Variants in PLXNA4 observed in about 807,000 individuals in gnomAD.
PLXNA4 encodes the protein plexin A4.
A neutral mutation model predicts 191.8 loss-of-function variants in PLXNA4; 44 were observed. The observed-to-expected ratio is 0.23, with a 90% CI of 0.18 to 0.29. The LOEUF (loss-of-function observed/expected upper bound fraction) is 0.29. Ranked by LOEUF, PLXNA4 falls within the 10% of genes least tolerant of loss-of-function variation. PLXNA4 has a pLI of 1.00. For missense variants in PLXNA4, 1,800 were observed against 2,488.8 expected (o/e 0.72, Z 5.89); for synonymous variants, 1,082 against 1,009.5 (o/e 1.07, Z -1.36).
At chr7:132,355,455 T>TGA (rs1803659774) in intron 3 of PLXNA4, among the ~76,000 whole-genome samples, 1 of 152,156 alleles carries the variant, frequency 6.6e-6, no homozygotes, top group Non-Finnish European at 1.5e-5. Flanking sequence ...CTGAAAGGGG[T>TGA]GAGCCCCACT....
intron 3 of PLXNA4, among the ~76,000 whole-genome samples, chr7:132,319,557 T>C: frequency 6.6e-6 from 1 of 152,334 alleles, no homozygotes; most frequent in East Asian, 1.9e-4. Context: ...TTGTAATTTA[T>C]AATTCTCTCC....
intron 2 of PLXNA4, among the ~76,000 whole-genome samples, chr7:132,505,585 T>C (rs1473066881): frequency 6.6e-6 from 1 of 152,192 alleles, no homozygotes. Context: ...TGTATGGGTG[T>C]CCTGCAGGCA....
chr7:132,391,145 G>A (rs563359273), intron 3 of PLXNA4, among the ~76,000 whole-genome samples: 2 of 152,322 alleles, frequency 1.3e-5, no homozygotes, highest in East Asian at 3.9e-4. Context: ...CAGGAGGACG[G>A]AAGGGTACCA....
intron 3 of PLXNA4, among the ~76,000 whole-genome samples, chr7:132,300,887 A>G (rs1283360160): frequency 2.0e-5 from 3 of 152,166 alleles, no homozygotes; most frequent in African/African-American, 4.8e-5. Context: ...CTGATCCCCA[A>G]ATGAAATTAC....
chr7:132,596,322 T>C (rs1002825013), intron 2 of PLXNA4, among the ~76,000 whole-genome samples: 1 of 152,176 alleles, frequency 6.6e-6, no homozygotes, highest in African/African-American at 2.4e-5. Flanking sequence ...GGCTGGATGT[T>C]CCTGTTCCAA....
At chr7:132,333,605 G>A (rs1437150723) in intron 3 of PLXNA4, among the ~76,000 whole-genome samples, 1 of 152,210 alleles carries the variant, frequency 6.6e-6, no homozygotes, top group Non-Finnish European at 1.5e-5. Context: ...CGGCCACTGT[G>A]GGGTGCAATC....
intron 21 of PLXNA4, among the ~76,000 whole-genome samples, chr7:132,173,200 A>G (rs1288406303): frequency 1.3e-5 from 2 of 152,338 alleles, no homozygotes; most frequent in East Asian, 1.9e-4. Context: ...CCCTAAGAGA[A>G]TCCTGGTAAT....
At chr7:132,642,620 G>T (rs1028861980) in intron 2 of PLXNA4, among the ~76,000 whole-genome samples, 2 of 152,108 alleles carry the variant, frequency 1.3e-5, no homozygotes, top group African/African-American at 4.8e-5. Context: ...AGAGATACAG[G>T]CAGAGGCCTT....
chr7:132,250,246 C>G (rs984341780), intron 4 of PLXNA4, among the ~76,000 whole-genome samples: 1 of 152,176 alleles, frequency 6.6e-6, no homozygotes, highest in Non-Finnish European at 1.5e-5. Context: ...GCCTCTGCCT[C>G]CGATAAAATG....
chr7:132,370,812 T>C (rs1804406373), intron 3 of PLXNA4, among the ~76,000 whole-genome samples: 1 of 152,164 alleles, frequency 6.6e-6, no homozygotes, highest in Admixed American at 6.5e-5. Context: ...AGCTAGGCCA[T>C]CCTCTGCTGT....
At chr7:132,509,190 A>C (rs1798611875) in intron 1 of PLXNA4, among the ~76,000 whole-genome samples, 1 of 151,548 alleles carries the variant, frequency 6.6e-6, no homozygotes, top group Non-Finnish European at 1.5e-5. Flanking sequence ...GGAGGGAGGA[A>C]GGGCAGGAGG....
intron 4 of PLXNA4, among the ~76,000 whole-genome samples, chr7:132,250,093 C>T (rs1274973812): frequency 1.3e-5 from 2 of 152,206 alleles, no homozygotes; most frequent in African/African-American, 4.8e-5. Flanking sequence ...GATCTGCCAC[C>T]ACTGTGTGAC....
intron 3 of PLXNA4, among the ~76,000 whole-genome samples, chr7:132,318,848 T>C (rs1258291599): frequency 2.0e-5 from 3 of 152,064 alleles, no homozygotes; most frequent in Non-Finnish European, 4.4e-5. Flanking sequence ...CGCGGGTCTC[T>C]GCCTGTGTGT....
chr7:132,162,671 CCTCT>C (rs143487811), intron 24 of PLXNA4, among the ~76,000 whole-genome samples: 1 of 151,702 alleles, frequency 6.6e-6, no homozygotes, highest in Non-Finnish European at 1.5e-5. Flanking sequence ...TTAATCGGAG[CCTCT>C]CTCTCTCTCC....
At chr7:132,613,403 C>T (rs1431823972) in intron 2 of PLXNA4, among the ~76,000 whole-genome samples, 1 of 152,164 alleles carries the variant, frequency 6.6e-6, no homozygotes, top group Non-Finnish European at 1.5e-5. Flanking sequence ...TTCATAATTC[C>T]ATGTGAATCT....
intron 3 of PLXNA4, among the ~76,000 whole-genome samples, chr7:132,363,432 A>G (rs1334177500): frequency 1.3e-5 from 2 of 152,236 alleles, no homozygotes; most frequent in African/African-American, 4.8e-5. Context: ...TATGAGTGGA[A>G]TCACACAGTA....
At chr7:132,153,368 G>A (rs2116604318) in intron 25 of PLXNA4, among the ~76,000 whole-genome samples, 1 of 152,280 alleles carries the variant, frequency 6.6e-6, no homozygotes, top group East Asian at 1.9e-4. Context: ...GGGAGACAGA[G>A]CGGGGAGGGG....
chr7:132,205,985 A>G (rs573291592), intron 10 of PLXNA4, among the ~76,000 whole-genome samples: 2 of 152,374 alleles, frequency 1.3e-5, no homozygotes, highest in Admixed American at 1.3e-4. Flanking sequence ...GTTTATGTGC[A>G]TGCTGACTTG....
chr7:132,427,903 G>C (rs974878478), intron 3 of PLXNA4, among the ~76,000 whole-genome samples: 3 of 152,248 alleles, frequency 2.0e-5, no homozygotes, highest in African/African-American at 4.8e-5. Context: ...ATGTTAAAGA[G>C]ATGGTGCGGA....
Sources: allele counts gnomAD v4.1 joint callset (sites outside exome capture counted in the v4.1 genomes callset), GRCh38; gene constraint gnomAD v4.1.1; transcripts MANE v1.5; gene names NCBI Gene and HGNC (gene_info 2026-07-23, HGNC 2026-07-21).